The following TMTC2 variants were observed in gnomAD, a reference collection of about 807,000 sequenced individuals.
TMTC2 encodes protein O-mannosyl-transferase TMTC2.
In TMTC2, 43 loss-of-function variants were observed where a neutral mutation model predicts 82.4. The observed-to-expected ratio is 0.52, with a 90% CI of 0.41 to 0.67. TMTC2 has a LOEUF of 0.67. Among genes scored for constraint, TMTC2 ranks in the 30% least tolerant of loss-of-function variants. The pLI is 0.00. For missense variants in TMTC2, 919 were observed against 1,012.4 expected, an observed-to-expected ratio of 0.91 and a Z score of 1.25; for synonymous variants, 408 against 381.9, an observed-to-expected ratio of 1.07 and a Z score of -0.80.
At chr12:82,839,656 G>A (rs1870231126) in intron 1 of TMTC2, among the ~76,000 whole-genome samples, 1 of 152,146 alleles carries the variant, frequency 6.6e-6, no homozygotes, top group African/African-American at 2.4e-5. Context: ...AGAAAAAATA[G>A]GCAGAAGACA....
At chr12:82,742,113 G>T (rs1875442450) in intron 1 of TMTC2, among the ~76,000 whole-genome samples, 1 of 152,096 alleles carries the variant, frequency 6.6e-6, no homozygotes, top group African/African-American at 2.4e-5. Flanking sequence ...AGTTGTCAGT[G>T]CCCTAATGCT....
intron 11 of TMTC2, among the ~76,000 whole-genome samples, chr12:83,075,068 C>G (rs1232996088): frequency 6.6e-6 from 1 of 152,114 alleles, no homozygotes; most frequent in Non-Finnish European, 1.5e-5. Context: ...TTCCTCTACC[C>G]CTGTATTTCA....
chr12:83,120,012 C>G (rs73368073), intron 11 of TMTC2, among the ~76,000 whole-genome samples: 1 of 151,926 alleles, frequency 6.6e-6, no homozygotes, highest in Non-Finnish European at 1.5e-5. Flanking sequence ...ACCCTTTTAC[C>G]TATGTGAGTC....
chr12:82,756,921 T>A (rs1170562639), intron 1 of TMTC2, among the ~76,000 whole-genome samples: 1 of 152,166 alleles, frequency 6.6e-6, no homozygotes, highest in African/African-American at 2.4e-5. Context: ...AGTGCTCTAG[T>A]GGTAATAATA....
chr12:82,730,222 G>A (rs957914094), intron 1 of TMTC2, among the ~76,000 whole-genome samples: 3 of 143,548 alleles, frequency 2.1e-5, no homozygotes, highest in Non-Finnish European at 3.0e-5. Context: ...TTGAACCCAG[G>A]AGGCAGAGGT....
At chr12:82,699,054 A>G (rs1036070426) in intron 1 of TMTC2, among the ~76,000 whole-genome samples, 1 of 152,132 alleles carries the variant, frequency 6.6e-6, no homozygotes, top group South Asian at 2.1e-4. Flanking sequence ...AACTGAAACC[A>G]TGGATAAGGG....
At chr12:82,702,411 T>C (rs1286051811) in intron 1 of TMTC2, among the ~76,000 whole-genome samples, 1 of 152,170 alleles carries the variant, frequency 6.6e-6, no homozygotes, top group African/African-American at 2.4e-5. Flanking sequence ...CTTTGGCATA[T>C]TTTTAGACTG....
At chr12:82,838,224 GTCA>G (rs1354168818) in intron 1 of TMTC2, among the ~76,000 whole-genome samples, 2 of 152,168 alleles carry the variant, frequency 1.3e-5, no homozygotes, top group African/African-American at 4.8e-5. Flanking sequence ...TCAGTGTCAT[GTCA>G]TCAACACCCT....
chr12:82,877,449 A>C (rs757592056), intron 2 of TMTC2, among the ~76,000 whole-genome samples: 6 of 152,180 alleles, frequency 3.9e-5, no homozygotes, highest in Non-Finnish European at 5.9e-5. Context: ...CCCAGAAGTG[A>C]AGTAGATATT....
chr12:82,946,460 A>G (rs534451698), intron 4 of TMTC2, among the ~76,000 whole-genome samples: 169 of 152,298 alleles, frequency 1.1e-3, no homozygotes, highest in Non-Finnish European at 1.9e-3. Flanking sequence ...AGAATTAAAG[A>G]ATACCTAAGG....
intron 2 of TMTC2, among the ~76,000 whole-genome samples, chr12:82,890,575 A>G (rs1873344529): frequency 6.6e-6 from 1 of 152,220 alleles, no homozygotes; most frequent in Non-Finnish European, 1.5e-5. Flanking sequence ...GAGTTGTACA[A>G]ATATGCAGTG....
chr12:82,851,303 A>G (rs1034946931), intron 1 of TMTC2, among the ~76,000 whole-genome samples: 6 of 151,388 alleles, frequency 4.0e-5, no homozygotes, highest in African/African-American at 1.5e-4. Context: ...GGTGGTGGGC[A>G]CCTGTAATCC....
intron 11 of TMTC2, among the ~76,000 whole-genome samples, chr12:83,070,224 A>AGGAT (rs1202054493): frequency 3.9e-5 from 6 of 152,132 alleles, no homozygotes. Context: ...TCTGTGAAGA[A>AGGAT]GGATGGTGGT....
chr12:82,939,255 G>A (rs917475627), intron 4 of TMTC2, among the ~76,000 whole-genome samples: 10 of 151,686 alleles, frequency 6.6e-5, no homozygotes, highest in African/African-American at 1.7e-4. Flanking sequence ...CTGAGTCGTA[G>A]GGTTGAAAAC....
At chr12:82,754,124 CAGAA>C (rs1226102541) in intron 1 of TMTC2, among the ~76,000 whole-genome samples, 1 of 152,122 alleles carries the variant, frequency 6.6e-6, no homozygotes, top group Non-Finnish European at 1.5e-5. Context: ...TTTAGTTTAT[CAGAA>C]AGAAGTTGAG....
chr12:83,033,967 C>T (rs1452668994), intron 9 of TMTC2, among the ~76,000 whole-genome samples: 2 of 149,044 alleles, frequency 1.3e-5, no homozygotes, highest in African/African-American at 4.9e-5. Context: ...TTTTTTTCCC[C>T]AAAATATTGG....
At chr12:82,977,720 G>T (rs1341566729) in intron 7 of TMTC2, among the ~76,000 whole-genome samples, 2 of 151,662 alleles carry the variant, frequency 1.3e-5, no homozygotes, top group African/African-American at 2.4e-5. Context: ...GATAGTCCAA[G>T]AATTCTCCTT....
At chr12:82,903,753 G>C (rs1049007018) in intron 3 of TMTC2, among the ~76,000 whole-genome samples, 3 of 152,198 alleles carry the variant, frequency 2.0e-5, no homozygotes, top group Admixed American at 2.0e-4. Flanking sequence ...ATGCTGCAAC[G>C]AGGACTGTGC....
intron 4 of TMTC2, among the ~76,000 whole-genome samples, chr12:82,945,105 G>T (rs1299791159): frequency 1.3e-5 from 2 of 152,082 alleles, no homozygotes; most frequent in Non-Finnish European, 2.9e-5. Flanking sequence ...GTCTAGAATT[G>T]CCTGCTGAAC....
Sources: gnomAD v4.1 joint callset for allele counts (sites outside exome capture counted in the v4.1 genomes callset) on GRCh38, gnomAD v4.1.1 for gene constraint, MANE v1.5 for transcripts, NCBI Gene and HGNC (gene_info 2026-07-23, HGNC 2026-07-21) for gene names.